NOD2: variants seen among roughly 807,000 people sequenced by gnomAD.
NOD2 encodes nucleotide-binding oligomerization domain-containing protein 2.
A neutral mutation model predicts 90.9 loss-of-function variants in NOD2; 86 were observed. The ratio of observed to expected loss-of-function variants is 0.95; its 90% CI spans 0.79 to 1.13. The LOEUF is 1.13. NOD2 is among the 50% of genes most tolerant of loss of function. The pLI is 0.00. For synonymous variants in NOD2, 581 were observed against 554.6 expected, an observed-to-expected ratio of 1.05 and a Z score of -0.67; for missense variants, 1,238 against 1,283.8, an observed-to-expected ratio of 0.96 and a Z score of 0.55.
chr16:50,696,474 C>T (rs543173932), intron 1 of NOD2: 1 of 152,362 alleles, frequency 6.6e-6, no homozygotes, highest in East Asian at 1.9e-4. Flanking sequence ...AGGGGAAGCC[C>T]GACCAGGTAA....
intron 6 of NOD2, among the ~76,000 whole-genome samples, chr16:50,717,505 C>A (rs953878237): frequency 6.6e-6 from 1 of 152,112 alleles, no homozygotes; most frequent in African/African-American, 2.4e-5. Context: ...TCTAGCTGGC[C>A]GCTGGGTTGG....
rs150861979 is a variant in NOD2, at chr16:50,717,432, C to G, written c.2549+458C>G. Among the ~76,000 whole-genome samples the G allele has an allele frequency of 1.7e-3, 255 of 152,312 alleles. 1 individual carries two copies. The highest frequency in any genetic ancestry group is 5.8e-3 in the African/African-American group (243 of 41,576). On this transcript the variant is annotated intron_variant, in intron 6 of 11. Coordinates refer to ENST00000647318, the MANE Select transcript of NOD2 (RefSeq NM_001370466.1). ...CATCTGGTTCTGCATTTCTGCTACT[C>G]CAGTGTCTCCCAGTTTCAACAGGAG... is the stretch of plus-strand genomic sequence containing the variant.
intron 11 of NOD2, 115 bp downstream of exon 11, chr16:50,730,016 C>A (rs1965400210): frequency 2.7e-6 from 2 of 727,750 alleles, no homozygotes; most frequent in South Asian, 2.9e-5. Flanking sequence ...CTGATTCTGA[C>A]ATTCAGTGAG....
chr16:50,729,424 T>C (rs1370829743), intron 10 of NOD2, among the ~76,000 whole-genome samples: 1 of 152,118 alleles, frequency 6.6e-6, no homozygotes, highest in Non-Finnish European at 1.5e-5. Flanking sequence ...ACAATTTAGA[T>C]TCTTATGCTC....
intron 4 of NOD2, 36 bp downstream of exon 4, chr16:50,712,409 G>A (rs761554217): frequency 1.2e-6 from 2 of 1,610,638 alleles, no homozygotes; most frequent in African/African-American, 2.7e-5. Context: ...CAGGTATGGG[G>A]GAGCACCATC....
intron 2 of NOD2, among the ~76,000 whole-genome samples, chr16:50,701,431 A>C (rs1449162233): frequency 1.3e-5 from 2 of 152,260 alleles, no homozygotes; most frequent in Non-Finnish European, 2.9e-5. Context: ...GATTGATGAC[A>C]TAAATAAATT....
rs67189633 is a variant in NOD2 at position 50,715,420 on chromosome 16, C to CT, written c.2382-1154dup. Among the ~76,000 whole-genome samples the CT allele has an allele frequency of 5.6e-3, 815 of 146,718 alleles. 11 individuals are homozygous for CT. Among genetic ancestry groups the CT allele is most frequent in the African/African-American group, 0.017 (687 of 40,084 alleles). ...GAGGCTGATAATACTATTGTTCCCT[C>CT]TTTTTTTTTTTTTGAGACGGAGTCT... is the stretch of plus-strand genomic sequence containing the variant. On this transcript the variant is annotated intron_variant, in intron 4 of 11. Coordinates refer to ENST00000647318, the MANE Select transcript of NOD2 (RefSeq NM_001370466.1).
intron 6 of NOD2, chr16:50,719,691 G>T: frequency 6.1e-6 from 4 of 657,410 alleles, no homozygotes; most frequent in Non-Finnish European, 1.1e-5. Context: ...GCCTGGAATT[G>T]TCACACTGCT....
intron 7 of NOD2, among the ~76,000 whole-genome samples, chr16:50,722,364 G>T (rs547886981): frequency 2.0e-4 from 30 of 152,324 alleles, no homozygotes; most frequent in African/African-American, 6.7e-4. Context: ...AAGGGTTAGG[G>T]CTGGGTAGCC....
At chr16:50,727,633 G>T in intron 10 of NOD2, 1 of 333,162 alleles carries the variant, frequency 3.0e-6, no homozygotes. Flanking sequence ...CAGTTGGCTA[G>T]AGGTCAGGTA....
In NOD2 at chr16:50,732,347, T is replaced by A. The variant is rs1965486809; in HGVS notation, c.*528T>A. 1.2e-5 allele frequency: 2 copies of A among 172,728 alleles called. No individual in the cohort carries two copies. The highest frequency in any genetic ancestry group is 4.8e-5 in the African/African-American group (2 of 42,088). 10.7% of individuals were successfully genotyped at this position (172,728 alleles called of 1,614,324 possible). ...CCTCCTCCTGGACTCCTGCACACGC[T>A]CCTTCCTCTGAGGCTGAAATTCAGA... On this transcript the variant is annotated 3_prime_UTR_variant, in exon 12 of 12. Transcript: ENST00000647318.
At chr16:50,703,542 G>T (rs1206390223) in intron 2 of NOD2, among the ~76,000 whole-genome samples, 2 of 152,098 alleles carry the variant, frequency 1.3e-5, no homozygotes, top group East Asian at 3.8e-4. Flanking sequence ...GGGAGGCTGA[G>T]GCAGGAGAAT....
chr16:50,720,685 C>T (rs796468396), intron 7 of NOD2, among the ~76,000 whole-genome samples: 1 of 152,310 alleles, frequency 6.6e-6, no homozygotes, highest in African/African-American at 2.4e-5. Flanking sequence ...AACTGGAGTC[C>T]ATTTGACAAG....
intron 8 of NOD2, 133 bp from the exon 9 acceptor site, chr16:50,723,168 G>T (rs1965141858): frequency 6.5e-6 from 4 of 619,562 alleles, no homozygotes. Context: ...AAAAGAAAGA[G>T]CACCGCAATC....
intron 3 of NOD2, chr16:50,709,815 C>G (rs745893046): frequency 2.5e-6 from 1 of 394,074 alleles, no homozygotes; most frequent in South Asian, 1.9e-5. Flanking sequence ...CTACTATATC[C>G]ATGAATAATA....
intron 8 of NOD2, among the ~76,000 whole-genome samples, chr16:50,722,982 C>G (rs2099337796): frequency 6.6e-6 from 1 of 151,484 alleles, no homozygotes; most frequent in African/African-American, 2.4e-5. Context: ...CAATTCCAAT[C>G]CATTGGTAGT....
chr16:50,712,302 G>T lies in NOD2; in HGVS notation c.2310G>T (p.Leu770=). The change falls in exon 4 of 12, where the codon CTG becomes CTT. Residue 770 remains leucine (L), a synonymous_variant. Transcript: ENST00000647318. Reference sequence around the variant, plus strand: ...TCCGGCGGCCCGTGGCCCTGCAGCTGGACTACAACTCTGTGGGTGACATTG... The same window carrying T: ...TCCGGCGGCCCGTGGCCCTGCAGCTTGACTACAACTCTGTGGGTGACATTG... ...QHLRRPVALQ[L]DYNSVGDIGV... 1 of 1,614,042 alleles carries T rather than the reference G, an allele frequency of 6.2e-7. No individual in the cohort carries two copies.
At chr16:50,726,437 G>A (rs772023898) in intron 10 of NOD2, among the ~76,000 whole-genome samples, 20 of 152,338 alleles carry the variant, frequency 1.3e-4, no homozygotes, top group South Asian at 1.0e-3. Flanking sequence ...ACACTCATTT[G>A]TGTTGCTTTC....
intron 11 of NOD2, among the ~76,000 whole-genome samples, chr16:50,730,359 C>T (rs1171227216): frequency 1.3e-5 from 2 of 152,142 alleles, no homozygotes; most frequent in African/African-American, 4.8e-5. Flanking sequence ...TTGAAAAAAG[C>T]AAGAATTGCA....
Sources: gnomAD v4.1 joint callset for allele counts (sites outside exome capture counted in the v4.1 genomes callset) on GRCh38, gnomAD v4.1.1 for gene constraint, MANE v1.5 for transcripts, NCBI Gene and HGNC (gene_info 2026-07-23, HGNC 2026-07-21) for gene names.